SYNPR: variants seen among roughly 807,000 people sequenced by gnomAD.
SYNPR encodes the protein synaptoporin.
A neutral mutation model predicts 32.9 loss-of-function variants in SYNPR; 23 were observed. That is an observed-to-expected ratio of 0.70 (90% CI 0.50 to 0.99). The LOEUF (loss-of-function observed/expected upper bound fraction) is 0.99, where lower values mean the gene tolerates loss of function less well. SYNPR is among the 50% of genes least tolerant of loss of function. SYNPR has a pLI of 0.00. For synonymous variants in SYNPR, 146 were observed against 135.9 expected, an observed-to-expected ratio of 1.07 and a Z score of -0.52; for missense variants, 318 against 349.3, an observed-to-expected ratio of 0.91 and a Z score of 0.71.
Position 63,386,536 on chromosome 3 carries a change from A to T in SYNPR, c.85-94296A>T, listed in dbSNP as rs1197467896. Among the ~76,000 whole-genome samples the T allele has an allele frequency of 8.5e-5, 13 of 152,246 alleles. No individual in the cohort carries two copies. The East Asian group carries it at 2.5e-3, about 29-fold the overall frequency. On this transcript the variant is annotated intron_variant, in intron 2 of 5. Coordinates refer to ENST00000478300, the MANE Select transcript of SYNPR (RefSeq NM_001130003.2). ...AATTGTAATATAGTCTGGCACTTTG[A>T]CATTTAATTTTCTTGTTTGTTTGTA... is the stretch of plus-strand genomic sequence containing the variant.
rs570666149 is a variant in SYNPR at position 63,260,956 on chromosome 3, T to C, written n.155-6361T>C. 9.8e-4 allele frequency among the ~76,000 whole-genome samples: 148 copies of C among 151,302 alleles called. 5 individuals carry two copies. Among genetic ancestry groups the C allele is most frequent in the Non-Finnish European group, 2.8e-4 (19 of 67,868 alleles). On this transcript the variant is annotated intron_variant and non_coding_transcript_variant, in intron 2 of 4. Coordinates refer to the SYNPR transcript ENST00000478456. ...AAGACATTTATGCAGCCAAAAGACA[T>C]ATGAAAAAATGCTCATCATCACTGG...
chr3:63,323,191 C>T (rs141976482), intron 2 of SYNPR, among the ~76,000 whole-genome samples: 3 of 152,144 alleles, frequency 2.0e-5, no homozygotes, highest in African/African-American at 4.8e-5. Flanking sequence ...CCCAACTGAG[C>T]GCTTTTGAGT....
chr3:63,256,748 G>C (rs1032523881), intron 2 of SYNPR, among the ~76,000 whole-genome samples: 1 of 152,170 alleles, frequency 6.6e-6, no homozygotes, highest in Admixed American at 6.5e-5. Context: ...AGAGAAGAAG[G>C]CTTCAGATGA....
chr3:63,586,741 A>C (rs1041006898), intron 4 of SYNPR, among the ~76,000 whole-genome samples: 1 of 151,364 alleles, frequency 6.6e-6, no homozygotes, highest in Admixed American at 6.6e-5. Context: ...AACAGCAGAT[A>C]TCTGGCTAGG....
intron 2 of SYNPR, among the ~76,000 whole-genome samples, chr3:63,265,539 A>C (rs960970815): frequency 6.6e-6 from 1 of 152,210 alleles, no homozygotes; most frequent in African/African-American, 2.4e-5. Context: ...GGCGTGAGCC[A>C]CTGCGCCCAG....
At chr3:63,253,715 G>A (rs2106891724) in intron 2 of SYNPR, among the ~76,000 whole-genome samples, 1 of 152,262 alleles carries the variant, frequency 6.6e-6, no homozygotes, top group South Asian at 2.1e-4. Flanking sequence ...TTACACTGTT[G>A]GTGGGACTGT....
intron 3 of SYNPR, among the ~76,000 whole-genome samples, chr3:63,547,557 T>C (rs1038019989): frequency 6.6e-6 from 1 of 152,094 alleles, no homozygotes; most frequent in African/African-American, 2.4e-5. Flanking sequence ...GAATCACCCA[T>C]GAGCCAGTGG....
intron 4 of SYNPR, among the ~76,000 whole-genome samples, chr3:63,563,289 T>C (rs1366430282): frequency 6.6e-6 from 1 of 152,212 alleles, no homozygotes; most frequent in East Asian, 1.9e-4. Context: ...ATTAGATGAC[T>C]GGGAGGTAGA....
At chr3:63,418,487 C>A (rs988320748) in intron 2 of SYNPR, among the ~76,000 whole-genome samples, 1 of 152,202 alleles carries the variant, frequency 6.6e-6, no homozygotes, top group Admixed American at 6.5e-5. Context: ...TACAGCAGCG[C>A]CCCTCTCTAC....
chr3:63,581,415 C>T (rs997403382), intron 4 of SYNPR, among the ~76,000 whole-genome samples: 2 of 152,128 alleles, frequency 1.3e-5, no homozygotes, highest in Non-Finnish European at 2.9e-5. Context: ...TAGTAGATTG[C>T]ATTGTATAGT....
At chr3:63,346,104 C>T (rs1385693025) in intron 2 of SYNPR, among the ~76,000 whole-genome samples, 4 of 152,134 alleles carry the variant, frequency 2.6e-5, no homozygotes, top group Admixed American at 2.0e-4. Context: ...TGTGAGCCAC[C>T]GTGCCCAACC....
chr3:63,221,316 G>C, the SYNPR span, among the ~76,000 whole-genome samples: 16 of 152,082 alleles, frequency 1.1e-4, no homozygotes, highest in African/African-American at 3.9e-4. Context: ...ATTTCATCTA[G>C]AGAGAGAAGA....
At chr3:63,203,068 G>GTGTGTATGTATATA in the SYNPR span, 3 of 108,590 alleles carry the variant, frequency 2.8e-5, no homozygotes, top group African/African-American at 1.4e-4. Context: ...ATATGTATGT[G>GTGTGTATGTATATA]TATATATATA....
chr3:63,211,844 T>C, the SYNPR span, among the ~76,000 whole-genome samples: 1 of 47,086 alleles, frequency 2.1e-5, no homozygotes, highest in Non-Finnish European at 4.7e-5. Context: ...TATCTCCCAA[T>C]GCTATCCCTC....
intron 2 of SYNPR, among the ~76,000 whole-genome samples, chr3:63,402,083 G>C (rs537028870): frequency 1.3e-5 from 2 of 152,242 alleles, no homozygotes; most frequent in Admixed American, 1.3e-4. Context: ...CATAAATGAA[G>C]AGCAATGTTG....
intron 2 of SYNPR, among the ~76,000 whole-genome samples, chr3:63,395,693 G>T (rs1385091615): frequency 6.6e-6 from 1 of 152,034 alleles, no homozygotes; most frequent in Non-Finnish European, 1.5e-5. Context: ...AACAAACCTT[G>T]AATGTTTAAT....
chr3:63,515,913 C>A (rs1701789921), intron 3 of SYNPR, among the ~76,000 whole-genome samples: 1 of 151,920 alleles, frequency 6.6e-6, no homozygotes, highest in Non-Finnish European at 1.5e-5. Flanking sequence ...TCATGAGGAT[C>A]CCTCCTACAC....
At chr3:63,550,496 T>G (rs1246241419) in intron 3 of SYNPR, among the ~76,000 whole-genome samples, 1 of 152,062 alleles carries the variant, frequency 6.6e-6, no homozygotes, top group Non-Finnish European at 1.5e-5. Context: ...TAATTTTTTT[T>G]GTCTTATACA....
chr3:63,527,035 C>G (rs1702025606), intron 3 of SYNPR, among the ~76,000 whole-genome samples: 1 of 152,080 alleles, frequency 6.6e-6, no homozygotes, highest in Admixed American at 6.5e-5. Context: ...CAGAGACAAT[C>G]AGGAAATCCT....
Sources: gnomAD v4.1 joint callset for allele counts (sites outside exome capture counted in the v4.1 genomes callset) on GRCh38, gnomAD v4.1.1 for gene constraint, MANE v1.5 for transcripts, NCBI Gene and HGNC (gene_info 2026-07-23, HGNC 2026-07-21) for gene names.